Variants in CORIN observed in about 807,000 individuals in gnomAD.
CORIN encodes the protein atrial natriuretic peptide-converting enzyme.
Under a neutral mutation model 125.3 loss-of-function variants are expected in CORIN, and 117 were observed. The ratio of observed to expected loss-of-function variants is 0.93; its 90% CI spans 0.80 to 1.09. The LOEUF (loss-of-function observed/expected upper bound fraction) is 1.09. CORIN is among the 50% of genes least tolerant of loss of function. CORIN has a pLI of 0.00. For synonymous variants in CORIN, 450 were observed against 466.4 expected (o/e 0.96, Z 0.45); for missense variants, 1,253 against 1,306.7 (o/e 0.96, Z 0.63).
chr4:47,815,541 TA>T (rs1455585016), intron 1 of CORIN, among the ~76,000 whole-genome samples: 1 of 152,172 alleles, frequency 6.6e-6, no homozygotes, highest in African/African-American at 2.4e-5. Context: ...ACAAGATAGA[TA>T]AATAGGATCC....
Position 47,794,958 on chromosome 4 carries a change from T to G in CORIN, c.209-8033A>C, listed in dbSNP as rs73135982. 2.4e-3 allele frequency among the ~76,000 whole-genome samples: 366 copies of G among 152,276 alleles called. 2 individuals are homozygous for G. The highest frequency in any genetic ancestry group is 8.1e-3 in the African/African-American group (336 of 41,574). ...TAGTCTTTAATCCATTTTGACTTGA[T>G]TTTGGTATGATGGTATAAGATAAGG... On this transcript the variant is annotated intron_variant, in intron 2 of 21. Coordinates refer to ENST00000273857, the MANE Select transcript of CORIN (RefSeq NM_006587.4).
At chr4:47,826,026 C>G (rs1732731788) in intron 1 of CORIN, among the ~76,000 whole-genome samples, 2 of 152,058 alleles carry the variant, frequency 1.3e-5, no homozygotes, top group Non-Finnish European at 2.9e-5. Context: ...TTCTGCTGCT[C>G]ACTGTACCCT....
In CORIN at chr4:47,806,940, A is replaced by G; in HGVS notation, c.171T>C (p.Ala57=). The part of the protein sequence containing the change: ...LLLVLIPCIC[A]LVLLLVILLS... Reference sequence around the variant, plus strand: ...GCAGGATCACCAGCAAGAGAACGAGAGCACAGATACATGGAATCAGGACCA... The same window carrying G: ...GCAGGATCACCAGCAAGAGAACGAGGGCACAGATACATGGAATCAGGACCA... The change falls in exon 2 of 22, where the codon GCT becomes GCC. Residue 57 remains alanine (A), a synonymous_variant. Transcript: ENST00000273857. 6.2e-7 allele frequency: 1 copy of G among 1,613,924 alleles called. No homozygotes were observed. The highest frequency in any genetic ancestry group is 8.5e-7 in the Non-Finnish European group (1 of 1,179,874).
intron 6 of CORIN, among the ~76,000 whole-genome samples, chr4:47,687,494 T>C (rs915758250): frequency 6.6e-6 from 1 of 152,172 alleles, no homozygotes; most frequent in African/African-American, 2.4e-5. Context: ...TGATACAAAA[T>C]GTTTCTTCTG....
chr4:47,665,555 C>G (rs1724443204), intron 10 of CORIN, among the ~76,000 whole-genome samples: 1 of 152,150 alleles, frequency 6.6e-6, no homozygotes, highest in Admixed American at 6.5e-5. Context: ...AAAGATGACT[C>G]TCTTTCATCA....
chr4:47,769,460 A>C (rs1304166908), intron 3 of CORIN, among the ~76,000 whole-genome samples: 1 of 152,134 alleles, frequency 6.6e-6, no homozygotes, highest in East Asian at 1.9e-4. Context: ...ACCCAAAGTG[A>C]TCTACAGATT....
At position 47,788,661 on chromosome 4, in the gene CORIN, T is replaced by A. The variant is rs373134199; in HGVS notation, c.209-1736A>T. 6.6e-5 allele frequency among the ~76,000 whole-genome samples: 10 copies of A among 152,340 alleles called. No individual in the cohort carries two copies. In the South Asian group the frequency reaches 2.1e-3, roughly 32 times the overall value. Reference sequence around the variant, plus strand: ...TCAATTACCTATAGTTTTCCTTACATCCATTTGTTAATTGCTCTCTTCCTT... The same window carrying A: ...TCAATTACCTATAGTTTTCCTTACAACCATTTGTTAATTGCTCTCTTCCTT... On this transcript the variant is annotated intron_variant, in intron 2 of 21. Coordinates refer to ENST00000273857, the MANE Select transcript of CORIN (RefSeq NM_006587.4).
At chr4:47,641,105 T>A (rs1723213523) in intron 16 of CORIN, among the ~76,000 whole-genome samples, 2 of 152,202 alleles carry the variant, frequency 1.3e-5, no homozygotes, top group African/African-American at 2.4e-5. Flanking sequence ...TAAACTAGGA[T>A]AACAAAAATG....
At chr4:47,627,361 A>G (rs1230591489) in intron 16 of CORIN, among the ~76,000 whole-genome samples, 1 of 152,178 alleles carries the variant, frequency 6.6e-6, no homozygotes, top group Admixed American at 6.5e-5. Context: ...CATACTTTTA[A>G]AAAGGCAAGG....
chr4:47,777,480 A>T (rs1730350978), intron 3 of CORIN, among the ~76,000 whole-genome samples: 1 of 152,036 alleles, frequency 6.6e-6, no homozygotes, highest in Admixed American at 6.6e-5. Context: ...AAAATACAAA[A>T]ATTAGCTAAG....
At chr4:47,717,195 G>T (rs1372503267) in intron 5 of CORIN, among the ~76,000 whole-genome samples, 1 of 152,038 alleles carries the variant, frequency 6.6e-6, no homozygotes, top group Non-Finnish European at 1.5e-5. Context: ...ACATCCTCCA[G>T]GCTTTTTCAA....
intron 14 of CORIN, among the ~76,000 whole-genome samples, chr4:47,644,238 T>G (rs998019172): frequency 2.0e-5 from 3 of 152,224 alleles, no homozygotes; most frequent in Non-Finnish European, 2.9e-5. Flanking sequence ...TCTTCCTCCT[T>G]CCAGCTGGAC....
At chr4:47,708,885 A>T (rs1331064560) in intron 5 of CORIN, among the ~76,000 whole-genome samples, 3 of 152,210 alleles carry the variant, frequency 2.0e-5, no homozygotes, top group African/African-American at 7.2e-5. Context: ...CTGTAATGAG[A>T]ATGTTCAAAA....
chr4:47,703,532 T>C (rs1325460750), intron 5 of CORIN, among the ~76,000 whole-genome samples: 2 of 152,218 alleles, frequency 1.3e-5, no homozygotes, highest in Non-Finnish European at 2.9e-5. Flanking sequence ...GAGATTGGTA[T>C]TTAAACTTAC....
chr4:47,623,459 G>C, intron 19 of CORIN, 112 bp downstream of exon 19: 2 of 1,105,808 alleles, frequency 1.8e-6, no homozygotes, highest in South Asian at 3.1e-5. Context: ...AAGTAGATTA[G>C]CTGTGGCTTT....
intron 6 of CORIN, among the ~76,000 whole-genome samples, chr4:47,685,584 C>T (rs189785641): frequency 1.3e-5 from 2 of 151,918 alleles, no homozygotes; most frequent in Admixed American, 1.3e-4. Flanking sequence ...CTGTATTGTG[C>T]GGTTAGTCGC....
At position 47,638,475 on chromosome 4, in the gene CORIN, C is replaced by A. The variant is rs1463107312; in HGVS notation, c.2198+3445G>T. Among the ~76,000 whole-genome samples, 3 of 152,296 alleles carry A rather than the reference C, an allele frequency of 2.0e-5. No homozygotes were observed. The East Asian group carries it at 5.8e-4, about 29-fold the overall frequency. ...AATTCCCACATATCATGGGAGGAAA[C>A]CAATGGGAGGTGATTCAATTATGGG... is the stretch of plus-strand genomic sequence containing the variant. On this transcript the variant is annotated intron_variant, in intron 16 of 21. Transcript: ENST00000273857.
intron 9 of CORIN, among the ~76,000 whole-genome samples, chr4:47,677,557 T>A (rs1725082205): frequency 6.6e-6 from 1 of 152,246 alleles, no homozygotes. Flanking sequence ...ACTGCTTCTC[T>A]GAACATGATT....
At chr4:47,638,660 G>C (rs1282341125) in intron 16 of CORIN, among the ~76,000 whole-genome samples, 1 of 152,074 alleles carries the variant, frequency 6.6e-6, no homozygotes, top group Non-Finnish European at 1.5e-5. Flanking sequence ...CATGATTGTG[G>C]GGCCTCCCCA....
Sources: allele counts gnomAD v4.1 joint callset (sites outside exome capture counted in the v4.1 genomes callset), GRCh38; gene constraint gnomAD v4.1.1; transcripts MANE v1.5; gene names NCBI Gene and HGNC (gene_info 2026-07-23, HGNC 2026-07-21).